LBR: variants seen among roughly 807,000 people sequenced by gnomAD.
LBR encodes delta(14)-sterol reductase LBR.
A neutral mutation model predicts 74.3 loss-of-function variants in LBR; 28 were observed. The observed-to-expected ratio is 0.38, with a 90% CI of 0.28 to 0.52. The LOEUF (loss-of-function observed/expected upper bound fraction) is 0.52, where lower values mean the gene tolerates loss of function less well. LBR is among the 20% of genes least tolerant of loss of function. LBR has a pLI of 0.89. For missense variants in LBR, 717 were observed against 760.3 expected, an observed-to-expected ratio of 0.94 and a Z score of 0.67; for synonymous variants, 228 against 269.3, an observed-to-expected ratio of 0.85 and a Z score of 1.50.
Position 225,412,461 on chromosome 1 carries a change from G to A in LBR, c.1077C>T (p.Ala359=). ...LKAPRNDLSP[A]SSGNAVYDFF... Reference sequence around the variant, plus strand: ...CAATTCATCACTGCTCACCAGAGCTGGCAGGCGACAGGTCATTCCGGGGCG... The same window carrying A: ...CAATTCATCACTGCTCACCAGAGCTAGCAGGCGACAGGTCATTCCGGGGCG... Residue 359 remains alanine, a synonymous_variant, in exon 8 of 14, where the codon GCC becomes GCT. Transcript: ENST00000272163. The A allele has an allele frequency of 1.2e-6, 2 of 1,613,984 alleles. No individual in the cohort carries two copies. The highest frequency in any genetic ancestry group is 1.7e-6 in the Non-Finnish European group (2 of 1,179,954).
At chr1:225,414,245 T>C in intron 7 of LBR, 1 of 421,048 alleles carries the variant, frequency 2.4e-6, no homozygotes, top group Non-Finnish European at 4.8e-6. Flanking sequence ...GCAGAAGGTG[T>C]CTAAACTATC....
chr1:225,416,465 T>C (rs1575226176), intron 6 of LBR, among the ~76,000 whole-genome samples: 1 of 152,234 alleles, frequency 6.6e-6, no homozygotes, highest in Non-Finnish European at 1.5e-5. Flanking sequence ...GCTAAACTAC[T>C]TTATCTTATC....
chr1:225,420,309 CAA>C (rs35741344), intron 3 of LBR, among the ~76,000 whole-genome samples: 1 of 134,790 alleles, frequency 7.4e-6, no homozygotes. Flanking sequence ...AACTCCGCCT[CAA>C]AAAAAAAAAA....
chr1:225,427,902 C>A (rs1172943029), intron 1 of LBR, 52 bp downstream of exon 1: 3 of 152,194 alleles, frequency 2.0e-5, no homozygotes, highest in Non-Finnish European at 4.4e-5. Context: ...AGCGGCCCCT[C>A]GAAGAACGCG....
intron 7 of LBR, among the ~76,000 whole-genome samples, chr1:225,413,332 C>T (rs907523501): frequency 6.6e-6 from 1 of 152,192 alleles, no homozygotes; most frequent in South Asian, 2.1e-4. Context: ...ACAGAACTCT[C>T]GTTCCGGGCT....
chr1:225,423,204 G>T (rs6686611), intron 2 of LBR, among the ~76,000 whole-genome samples: 41,947 of 152,040 alleles, frequency 0.28, 6,759 homozygotes, highest in African/African-American at 0.45. Flanking sequence ...GTCGTCTATT[G>T]TGTATGTCTT....
At chr1:225,410,502 G>GA in intron 9 of LBR, 86 bp from the exon 10 acceptor site, 1 of 1,440,654 alleles carries the variant, frequency 6.9e-7, no homozygotes, top group Non-Finnish European at 9.7e-7. Flanking sequence ...CTTCACAGCT[G>GA]AGACACCTGG....
At chr1:225,404,844 C>T (rs577910062) in intron 11 of LBR, 138 bp from the exon 12 acceptor site, 15 of 679,684 alleles carry the variant, frequency 2.2e-5, no homozygotes, top group African/African-American at 2.0e-4. Context: ...AAGAGATCCT[C>T]CTGCTTCAGC....
chr1:225,414,935 T>C lies in LBR; in HGVS notation c.892+343A>G, dbSNP rs144429447. ...TATTCAAGGGACAACCCAGAGGACA[T>C]GAGCAAGGACAAGAGCAGCTCACGC... On this transcript the variant is annotated intron_variant, in intron 7 of 13. Transcript: ENST00000272163. Among the ~76,000 whole-genome samples the C allele has an allele frequency of 2.3e-4, 35 of 152,318 alleles. No individual in the cohort carries two copies. The East Asian group carries it at 6.4e-3, about 28-fold the overall frequency.
chr1:225,426,704 C>T (rs2096139810), intron 1 of LBR, among the ~76,000 whole-genome samples: 1 of 152,210 alleles, frequency 6.6e-6, no homozygotes, highest in Admixed American at 6.5e-5. Context: ...TTCCTTTTCA[C>T]ACCTGAGCCC....
At position 225,401,738 on chromosome 1, in the gene LBR, G is replaced by A. The variant is rs928564230; in HGVS notation, c.*1565C>T. ...AAAACGCCACCACTTTCTGATGCCAGGAGAAAAGCAAAATAAAAAAACTGC... is the reference window on the plus strand; with the variant it reads ...AAAACGCCACCACTTTCTGATGCCAAGAGAAAAGCAAAATAAAAAAACTGC... On this transcript the variant is annotated 3_prime_UTR_variant, in exon 14 of 14. Transcript: ENST00000272163. The A allele has an allele frequency of 1.3e-5, 2 of 152,082 alleles. No individual in the cohort carries two copies. Among genetic ancestry groups the A allele is most frequent in the Non-Finnish European group, 2.9e-5 (2 of 68,006 alleles). 9.4% of individuals were successfully genotyped at this position (152,082 alleles called of 1,614,324 possible).
chr1:225,409,284 G>A (rs111478430), intron 10 of LBR, among the ~76,000 whole-genome samples: 2 of 152,164 alleles, frequency 1.3e-5, no homozygotes, highest in African/African-American at 4.8e-5. Context: ...TTGTAATTGA[G>A]GTTTACCTCA....
At chr1:225,419,187 C>T (rs2096122897) in intron 5 of LBR, 76 bp downstream of exon 5, 10 of 1,366,678 alleles carry the variant, frequency 7.3e-6, no homozygotes, top group Non-Finnish European at 1.0e-5. Context: ...TTCAGAGAGG[C>T]CTTTCCAGTT....
At chr1:225,422,996 C>T (rs976963735) in intron 2 of LBR, among the ~76,000 whole-genome samples, 5 of 152,200 alleles carry the variant, frequency 3.3e-5, no homozygotes, top group African/African-American at 1.2e-4. Context: ...GAGCCGCTCC[C>T]ATAAAGTCTA....
rs765213528 is a variant in LBR at position 225,403,332 on chromosome 1, G to C, written c.1819C>G (p.Pro607Ala). Reference protein sequence around the residue: ...VAWEKYCQRVPYRIFPYIY With the variant: ...VAWEKYCQRVAYRIFPYIY ...TAGATGTATGGAAATATACGGTAGGGCACACGCTGACAGTACTTTTCCCAA... is the reference window on the plus strand; with the variant it reads ...TAGATGTATGGAAATATACGGTAGGCCACACGCTGACAGTACTTTTCCCAA... The change falls in exon 14 of 14, where the codon CCC becomes GCC. Residue 607 changes from proline to alanine, a missense_variant. By Grantham distance (27) the Pro-to-Ala change is conservative (BLOSUM62 -1). Coordinates refer to ENST00000272163, the MANE Select transcript of LBR (RefSeq NM_002296.4). 1 of 1,613,506 alleles carries C rather than the reference G, an allele frequency of 6.2e-7. No homozygotes were observed. The highest frequency in any genetic ancestry group is 2.2e-5 in the East Asian group (1 of 44,838).
At position 225,403,244 on chromosome 1, in the gene LBR, T is replaced by C; in HGVS notation, c.*59A>G. On this transcript the variant is annotated 3_prime_UTR_variant, in exon 14 of 14. Coordinates refer to ENST00000272163, the MANE Select transcript of LBR (RefSeq NM_002296.4). ...AAAGAAAGTTTCGGATTTTTTTCCT[T>C]GTTTTTGCAAATGGCAGCTGGAATT... The C allele has an allele frequency of 2.4e-5, 38 of 1,560,984 alleles. No individual in the cohort carries two copies. The highest frequency in any genetic ancestry group is 3.2e-5 in the Non-Finnish European group (36 of 1,131,730).
At chr1:225,405,022 T>C (rs975592234) in intron 11 of LBR, among the ~76,000 whole-genome samples, 6 of 152,192 alleles carry the variant, frequency 3.9e-5, no homozygotes, top group Non-Finnish European at 5.9e-5. Context: ...AAAACAAATA[T>C]AGTTACATCC....
intron 1 of LBR, among the ~76,000 whole-genome samples, chr1:225,426,179 G>A (rs1443785513): frequency 6.6e-6 from 1 of 152,188 alleles, no homozygotes; most frequent in Non-Finnish European, 1.5e-5. Context: ...TGTTCCAAAA[G>A]ATGAAGCCAA....
intron 2 of LBR, among the ~76,000 whole-genome samples, chr1:225,423,196 C>T (rs562987577): frequency 6.6e-6 from 1 of 152,204 alleles, no homozygotes; most frequent in South Asian, 2.1e-4. Context: ...AACTGTGAGT[C>T]GTCTATTGTG....
Sources: allele counts gnomAD v4.1 joint callset (sites outside exome capture counted in the v4.1 genomes callset), GRCh38; gene constraint gnomAD v4.1.1; transcripts MANE v1.5; gene names NCBI Gene and HGNC (gene_info 2026-07-23, HGNC 2026-07-21).